NTM: variants seen among roughly 807,000 people sequenced by gnomAD.
NTM encodes the protein neurotrimin, also known as IgLON family member 2.
In NTM, 13 loss-of-function variants were observed where a neutral mutation model predicts 42.1. That is an observed-to-expected ratio of 0.31 (90% CI 0.20 to 0.49). NTM has a LOEUF of 0.49. NTM is among the 20% of genes least tolerant of loss of function. The probability of loss-of-function intolerance (pLI) is 0.99; values close to 1 mark genes in which losing one functional copy is unlikely to be tolerated. For missense variants in NTM, 373 were observed against 452.8 expected (o/e 0.82, Z 1.60); for synonymous variants, 187 against 179.2 (o/e 1.04, Z -0.35).
At chr11:132,252,911 C>G (rs1354312542) in intron 4 of NTM, among the ~76,000 whole-genome samples, 2 of 152,188 alleles carry the variant, frequency 1.3e-5, no homozygotes, top group African/African-American at 4.8e-5. Flanking sequence ...CTTAAAGATT[C>G]TAAAAATCCT....
At chr11:131,609,003 G>A (rs1019134363) in intron 1 of NTM, among the ~76,000 whole-genome samples, 2 of 152,218 alleles carry the variant, frequency 1.3e-5, no homozygotes, top group Admixed American at 1.3e-4. Flanking sequence ...TTAAACACCA[G>A]GGGAGCTCAT....
rs568495828 is a variant in NTM, at chr11:131,395,004, G to A, written c.82+24116G>A. Reference sequence around the variant, plus strand: ...GCCTAACAGCTGGGGTGTTAGGTACGGGACCTTTCTCTGAGACTACTTAGG... The same window carrying A: ...GCCTAACAGCTGGGGTGTTAGGTACAGGACCTTTCTCTGAGACTACTTAGG... On this transcript the variant is annotated intron_variant, in intron 1 of 8. Transcript: ENST00000683400. Among the ~76,000 whole-genome samples the A allele has an allele frequency of 1.9e-4, 29 of 152,258 alleles. No individual in the cohort carries two copies. In the South Asian group the frequency reaches 6.0e-3, roughly 31 times the overall value.
At chr11:131,850,907 A>C (rs2136817634) in intron 1 of NTM, among the ~76,000 whole-genome samples, 1 of 152,258 alleles carries the variant, frequency 6.6e-6, no homozygotes, top group South Asian at 2.1e-4. Flanking sequence ...CAACAGACAA[A>C]TCTATGGAGC....
intron 7 of NTM, among the ~76,000 whole-genome samples, chr11:132,318,534 CTTGCCTGTCTT>C (rs1435346602): frequency 6.6e-6 from 1 of 152,188 alleles, no homozygotes; most frequent in Non-Finnish European, 1.5e-5. Flanking sequence ...TCCCGCGTCT[CTTGCCTGTCTT>C]TGCACATCCC....
chr11:131,540,382 G>A (rs1300193219), intron 1 of NTM: 2 of 151,890 alleles, frequency 1.3e-5, no homozygotes, highest in African/African-American at 2.4e-5. Context: ...AGCCAGGCTG[G>A]TCTCAAACTC....
At position 131,769,583 on chromosome 11, in the gene NTM, C is replaced by T. The variant is rs1464325725; in HGVS notation, c.83-141981C>T. 2.5e-5 allele frequency: 25 copies of T among 982,140 alleles called. No homozygotes were observed. In the South Asian group the frequency reaches 9.4e-4, roughly 37 times the overall value. 60.8% of individuals were successfully genotyped at this position (982,140 alleles called of 1,614,324 possible). On this transcript the variant is annotated intron_variant, in intron 1 of 8. Coordinates refer to ENST00000683400, the MANE Select transcript of NTM (RefSeq NM_001352005.2). ...ATATGTGTATCTCATTAATCACAGACATTTGGATAATGCTGTCCTGCATGA... is the reference window on the plus strand; with the variant it reads ...ATATGTGTATCTCATTAATCACAGATATTTGGATAATGCTGTCCTGCATGA...
intron 5 of NTM, among the ~76,000 whole-genome samples, chr11:132,308,844 A>G (rs774341108): frequency 6.6e-6 from 1 of 152,218 alleles, no homozygotes; most frequent in African/African-American, 2.4e-5. Flanking sequence ...GTTTATAAAG[A>G]TGAACTTAAA....
chr11:132,070,068 A>G lies in NTM; in HGVS notation c.168-76214A>G, dbSNP rs544219194. ...AGGTTAGTTAACACGTCACACAGCC[A>G]AGTTAACACGTCACACAGCCAAGTT... On this transcript the variant is annotated intron_variant, in intron 2 of 8. Coordinates refer to ENST00000683400, the MANE Select transcript of NTM (RefSeq NM_001352005.2). 7.2e-5 allele frequency among the ~76,000 whole-genome samples: 10 copies of G among 137,980 alleles called. No homozygotes were observed. The South Asian group carries it at 2.5e-3, about 34-fold the overall frequency. The allele number at this position is 137,980 out of a possible 152,430, so 90.5% of individuals were successfully genotyped here. A position where few individuals can be genotyped will look rare whatever the true frequency, so the allele number is the denominator to read the frequency against.
At chr11:132,290,260 T>A (rs79787517) in intron 4 of NTM, among the ~76,000 whole-genome samples, 1 of 142,888 alleles carries the variant, frequency 7.0e-6, no homozygotes, top group Middle Eastern at 3.6e-3. Flanking sequence ...ATAGTCTGAT[T>A]TTTTTTTTTT....
chr11:132,035,312 G>A (rs1414497641), intron 2 of NTM, among the ~76,000 whole-genome samples: 1 of 152,148 alleles, frequency 6.6e-6, no homozygotes, highest in Admixed American at 6.5e-5. Context: ...TTCAGTTTGT[G>A]TGTCTTTATA....
chr11:131,744,404 A>G (rs554300476), intron 1 of NTM, among the ~76,000 whole-genome samples: 2 of 152,210 alleles, frequency 1.3e-5, no homozygotes, highest in Admixed American at 6.5e-5. Context: ...AATACAGAAC[A>G]TGCAAATCAA....
chr11:132,134,345 G>T (rs930500872), intron 2 of NTM, among the ~76,000 whole-genome samples: 2 of 151,906 alleles, frequency 1.3e-5, no homozygotes, highest in African/African-American at 4.8e-5. Context: ...TTTTATTTCA[G>T]TAGGTTAGTG....
chr11:131,533,465 G>A (rs1052708900), intron 1 of NTM, among the ~76,000 whole-genome samples: 1 of 152,162 alleles, frequency 6.6e-6, no homozygotes, highest in East Asian at 1.9e-4. Context: ...GAAATGGGGG[G>A]CCTGGGCCTT....
intron 1 of NTM, among the ~76,000 whole-genome samples, chr11:131,416,471 A>C (rs1946967766): frequency 6.6e-6 from 1 of 152,212 alleles, no homozygotes. Context: ...TCTACCCATC[A>C]AACACCATAG....
At chr11:131,767,094 T>C (rs2085239236) in intron 1 of NTM, 15 of 962,488 alleles carry the variant, frequency 1.6e-5, no homozygotes, top group Non-Finnish European at 1.9e-5. Context: ...TACCTAGAAC[T>C]CTGGACAAGG....
chr11:131,438,984 T>G (rs543261586), intron 1 of NTM, among the ~76,000 whole-genome samples: 2 of 152,348 alleles, frequency 1.3e-5, no homozygotes, highest in South Asian at 4.1e-4. Context: ...GGATGTCCTT[T>G]TTGTTGATGC....
intron 2 of NTM, among the ~76,000 whole-genome samples, chr11:132,104,984 TA>T (rs1338377377): frequency 1.1e-4 from 13 of 116,298 alleles, no homozygotes; most frequent in Non-Finnish European, 1.4e-4. Context: ...TATATATATA[TA>T]TATATATTTC....
intron 1 of NTM, among the ~76,000 whole-genome samples, chr11:131,689,903 G>A (rs1176273210): frequency 6.6e-6 from 1 of 152,224 alleles, no homozygotes; most frequent in Non-Finnish European, 1.5e-5. Context: ...TGGGTAGAGG[G>A]ATTCTCATTT....
chr11:131,788,568 G>C lies in NTM; in HGVS notation c.83-122996G>C, dbSNP rs539762880. ...CTTCCGTGCTGACACAATCAGACGT[G>C]TTTTCTCTCTATTGTTTGAAAACAA... On this transcript the variant is annotated intron_variant, in intron 1 of 8. Coordinates refer to ENST00000683400, the MANE Select transcript of NTM (RefSeq NM_001352005.2). Among the ~76,000 whole-genome samples, 36 of 152,188 alleles carry C rather than the reference G, an allele frequency of 2.4e-4. 1 individual carries two copies. Among genetic ancestry groups the C allele is most frequent in the African/African-American group, 8.2e-4 (34 of 41,522 alleles).
Sources: allele counts gnomAD v4.1 joint callset (sites outside exome capture counted in the v4.1 genomes callset), GRCh38; gene constraint gnomAD v4.1.1; transcripts MANE v1.5; gene names NCBI Gene and HGNC (gene_info 2026-07-23, HGNC 2026-07-21).